NAALADL2: variants seen among roughly 807,000 people sequenced by gnomAD.
NAALADL2 encodes the protein N-acetylated alpha-linked acidic dipeptidase like 2.
NAALADL2 carries 76 observed loss-of-function variants against 87.2 expected under a neutral mutation model. That is an observed-to-expected ratio of 0.87 (90% confidence interval 0.72 to 1.05). The LOEUF (loss-of-function observed/expected upper bound fraction) is 1.05. NAALADL2 is among the 50% of genes least tolerant of loss of function. NAALADL2 has a pLI of 0.00. For synonymous variants in NAALADL2, 354 were observed against 331.0 expected, an observed-to-expected ratio of 1.07 and a Z score of -0.75; for missense variants, 1,089 against 945.8, an observed-to-expected ratio of 1.15 and a Z score of -1.99.
At chr3:174,644,213 CAG>C (rs946869478) in intron 2 of NAALADL2, among the ~76,000 whole-genome samples, 4 of 152,186 alleles carry the variant, frequency 2.6e-5, no homozygotes, top group Admixed American at 1.3e-4. Context: ...TAGAAACTGA[CAG>C]AGTATGCAAT....
At chr3:174,793,276 A>T (rs1043472981) in intron 3 of NAALADL2, among the ~76,000 whole-genome samples, 1 of 152,164 alleles carries the variant, frequency 6.6e-6, no homozygotes, top group African/African-American at 2.4e-5. Flanking sequence ...CATATATATA[A>T]AAACTGAATT....
At chr3:175,679,698 C>T (rs1406522245) in intron 11 of NAALADL2, among the ~76,000 whole-genome samples, 2 of 152,106 alleles carry the variant, frequency 1.3e-5, no homozygotes, top group East Asian at 1.9e-4. Context: ...CTGTTTTACC[C>T]GTGATAAACA....
chr3:174,909,084 T>C (rs1733348804), intron 1 of NAALADL2, among the ~76,000 whole-genome samples: 2 of 151,986 alleles, frequency 1.3e-5, no homozygotes, highest in African/African-American at 4.8e-5. Context: ...AATATGCATG[T>C]AACAGTATTA....
intron 2 of NAALADL2, among the ~76,000 whole-genome samples, chr3:174,620,552 T>G (rs917754387): frequency 6.6e-6 from 1 of 152,036 alleles, no homozygotes; most frequent in South Asian, 2.1e-4. Context: ...TGGCCTAGAA[T>G]ATTGTGAAAA....
At chr3:175,027,454 A>C (rs1021184361) in intron 1 of NAALADL2, among the ~76,000 whole-genome samples, 1 of 152,148 alleles carries the variant, frequency 6.6e-6, no homozygotes, top group African/African-American at 2.4e-5. Context: ...ACCATAGTAC[A>C]TAACGGTATG....
At chr3:174,764,112 G>A (rs1384229778) in intron 3 of NAALADL2, among the ~76,000 whole-genome samples, 1 of 152,122 alleles carries the variant, frequency 6.6e-6, no homozygotes, top group East Asian at 1.9e-4. Flanking sequence ...ACTATCCACT[G>A]GCCACTTTCT....
At chr3:175,608,868 A>T (rs1451614592) in intron 10 of NAALADL2, among the ~76,000 whole-genome samples, 1 of 152,142 alleles carries the variant, frequency 6.6e-6, no homozygotes, top group African/African-American at 2.4e-5. Context: ...CCTTTTATTT[A>T]TATAATTGAC....
intron 3 of NAALADL2, among the ~76,000 whole-genome samples, chr3:175,251,410 ACTCT>A (rs1326668135): frequency 6.6e-6 from 1 of 152,212 alleles, no homozygotes; most frequent in Admixed American, 6.5e-5. Flanking sequence ...CGTCTCAATT[ACTCT>A]CTCTTATGTG....
chr3:175,807,260 C>G lies in NAALADL2; in HGVS notation c.*4057C>G, dbSNP rs936003292. On this transcript the variant is annotated 3_prime_UTR_variant, in exon 14 of 14. Coordinates refer to ENST00000454872, the MANE Select transcript of NAALADL2 (RefSeq NM_207015.3). Reference sequence around the variant, plus strand: ...TTAAAAATTCAGAATAACCAATTGACTTTTTAAATTAAATAAACGTAGAGC... The same window carrying G: ...TTAAAAATTCAGAATAACCAATTGAGTTTTTAAATTAAATAAACGTAGAGC... 3 of 151,806 alleles carry G rather than the reference C, an allele frequency of 2.0e-5. No individual in the cohort carries two copies. The highest frequency in any genetic ancestry group is 7.2e-5 in the African/African-American group (3 of 41,384). The allele number at this position is 151,806 out of a possible 1,614,324, so 9.4% of individuals were successfully genotyped here.
chr3:175,067,611 A>G (rs1174969939), intron 1 of NAALADL2, among the ~76,000 whole-genome samples: 1 of 152,152 alleles, frequency 6.6e-6, no homozygotes, highest in African/African-American at 2.4e-5. Context: ...GCAGGGCTGC[A>G]GAGAAAAAGG....
In NAALADL2 at chr3:175,017,140, T is replaced by G. The variant is rs1233378662; in HGVS notation, c.44-79650T>G. 4.0e-5 allele frequency among the ~76,000 whole-genome samples: 6 copies of G among 151,038 alleles called. No individual in the cohort carries two copies. In the East Asian group the frequency reaches 1.2e-3, roughly 29 times the overall value. On this transcript the variant is annotated intron_variant, in intron 1 of 13. Transcript: ENST00000454872. ...TAGAAATAATAACTTAATTGGATGA[T>G]TTAAAATAATTTGCTCACATTGCTT...
intron 2 of NAALADL2, among the ~76,000 whole-genome samples, chr3:174,717,068 G>A (rs1004693917): frequency 6.6e-6 from 1 of 152,090 alleles, no homozygotes; most frequent in Non-Finnish European, 1.5e-5. Flanking sequence ...TATGAGAGTT[G>A]AAAATGACTT....
intron 2 of NAALADL2, among the ~76,000 whole-genome samples, chr3:174,584,940 C>A (rs1016692023): frequency 6.6e-5 from 10 of 152,098 alleles, no homozygotes; most frequent in African/African-American, 2.4e-4. Flanking sequence ...TACCCTCATG[C>A]TCTTTTATAA....
chr3:175,724,077 T>C (rs1484021811), intron 11 of NAALADL2, among the ~76,000 whole-genome samples: 1 of 152,172 alleles, frequency 6.6e-6, no homozygotes, highest in Non-Finnish European at 1.5e-5. Flanking sequence ...AGTTTTACCA[T>C]TTAACTGAGG....
chr3:175,786,470 C>A (rs558513448), intron 13 of NAALADL2, among the ~76,000 whole-genome samples: 2 of 151,878 alleles, frequency 1.3e-5, no homozygotes, highest in African/African-American at 4.8e-5. Flanking sequence ...TTGCTGATAC[C>A]CTTTCTTCCA....
chr3:175,731,385 G>A (rs1561050602), intron 11 of NAALADL2, among the ~76,000 whole-genome samples: 2 of 152,254 alleles, frequency 1.3e-5, no homozygotes, highest in South Asian at 2.1e-4. Context: ...TGCCATTACT[G>A]TTAACTGTTC....
chr3:174,622,262 C>G (rs1174414443), intron 2 of NAALADL2, among the ~76,000 whole-genome samples: 4 of 152,168 alleles, frequency 2.6e-5, no homozygotes, highest in Non-Finnish European at 2.9e-5. Flanking sequence ...ATAGGCAACT[C>G]ATGGTCTCTT....
At chr3:175,548,542 T>G (rs1279359689) in intron 9 of NAALADL2, among the ~76,000 whole-genome samples, 1 of 151,982 alleles carries the variant, frequency 6.6e-6, no homozygotes, top group Non-Finnish European at 1.5e-5. Context: ...TTTGTACCTC[T>G]GAACTTAAAA....
chr3:174,870,848 G>C (rs1269113962), intron 1 of NAALADL2, among the ~76,000 whole-genome samples: 2 of 151,958 alleles, frequency 1.3e-5, no homozygotes, highest in Non-Finnish European at 2.9e-5. Context: ...CCCTTTTATA[G>C]CTGATGTATC....
Sources: gnomAD v4.1 joint callset for allele counts (sites outside exome capture counted in the v4.1 genomes callset) on GRCh38, gnomAD v4.1.1 for gene constraint, MANE v1.5 for transcripts, NCBI Gene and HGNC (gene_info 2026-07-23, HGNC 2026-07-21) for gene names.